DCDC1: variants seen among roughly 807,000 people sequenced by gnomAD.
DCDC1 encodes the protein doublecortin domain containing 1.
DCDC1 carries 200 observed loss-of-function variants against 178.3 expected under a neutral mutation model. That is an observed-to-expected ratio of 1.12 (90% CI 1.00 to 1.26). The LOEUF (loss-of-function observed/expected upper bound fraction) is 1.26. DCDC1 is among the 50% of genes most tolerant of loss of function. The pLI is 0.00. For missense variants in DCDC1, 1,983 were observed against 1,749.2 expected (o/e 1.13, Z -2.38); for synonymous variants, 690 against 604.8 (o/e 1.14, Z -2.07).
At chr11:31,010,409 G>A (rs552921988) in intron 20 of DCDC1, among the ~76,000 whole-genome samples, 10 of 152,340 alleles carry the variant, frequency 6.6e-5, no homozygotes, top group African/African-American at 2.2e-4. Context: ...GCAGTTGCCC[G>A]CTATATGACC....
chr11:31,046,895 T>C (rs534307364), intron 20 of DCDC1, among the ~76,000 whole-genome samples: 58 of 152,278 alleles, frequency 3.8e-4, no homozygotes, highest in African/African-American at 1.4e-3. Context: ...AGGGGAGCCA[T>C]CATTTTATAA....
intron 11 of DCDC1, among the ~76,000 whole-genome samples, chr11:31,111,104 T>C (rs907605858): frequency 1.3e-5 from 2 of 152,130 alleles, no homozygotes; most frequent in South Asian, 2.1e-4. Context: ...GGGTGTGCCA[T>C]TCACCAGGCA....
chr11:31,148,020 T>C (rs1372940530), intron 9 of DCDC1, among the ~76,000 whole-genome samples: 1 of 151,950 alleles, frequency 6.6e-6, no homozygotes, highest in Non-Finnish European at 1.5e-5. Context: ...CCTCCAAAAC[T>C]CAGAGTGGTA....
chr11:31,110,600 G>A (rs958056365), intron 11 of DCDC1, among the ~76,000 whole-genome samples: 1 of 151,962 alleles, frequency 6.6e-6, no homozygotes, highest in Non-Finnish European at 1.5e-5. Flanking sequence ...TCTCCTTTTG[G>A]TTTCAGTGTC....
At chr11:31,157,935 A>ATG (rs974023639) in intron 9 of DCDC1, among the ~76,000 whole-genome samples, 1 of 152,160 alleles carries the variant, frequency 6.6e-6, no homozygotes, top group African/African-American at 2.4e-5. Context: ...ATTTGTATAT[A>ATG]TTTTTGATGT....
intron 1 of DCDC1, among the ~76,000 whole-genome samples, chr11:31,367,428 T>A (rs1205196497): frequency 6.6e-6 from 1 of 152,254 alleles, no homozygotes; most frequent in Non-Finnish European, 1.5e-5. Flanking sequence ...ACCCTGTCTA[T>A]GGGACTGTTG....
Position 31,306,327 on chromosome 11 carries a change from T to C in DCDC1, c.496A>G (p.Arg166Gly). The C allele has an allele frequency of 6.2e-7, 1 of 1,610,348 alleles. No individual in the cohort carries two copies. Residue 166 changes from arginine to glycine, a missense_variant, in exon 5 of 39, where the codon AGA (arginine) becomes GGA (glycine). Physicochemically the swap from Arg to Gly is moderately radical, Grantham distance 125. Transcript: ENST00000684477. ...SARNWQKLSQ[R>G]HKLQPRVIKV... ...ATCACTCTTGGTTGAAGTTTGTGTC[T>C]TTGAGACAATTTCTGCCAATTCCGG...
intron 9 of DCDC1, among the ~76,000 whole-genome samples, chr11:31,208,728 C>A (rs1972149147): frequency 6.6e-6 from 1 of 152,176 alleles, no homozygotes; most frequent in Non-Finnish European, 1.5e-5. Context: ...CTCAAATGCA[C>A]CACTCTGTCC....
chr11:31,343,069 C>G (rs1339641083), intron 1 of DCDC1, among the ~76,000 whole-genome samples: 1 of 151,946 alleles, frequency 6.6e-6, no homozygotes, highest in East Asian at 1.9e-4. Flanking sequence ...AGTTCAAGGC[C>G]AGGTTGGACA....
At chr11:31,027,431 AC>A (rs1953315900) in intron 20 of DCDC1, among the ~76,000 whole-genome samples, 1 of 151,772 alleles carries the variant, frequency 6.6e-6, no homozygotes. Flanking sequence ...CTTAATGGTA[AC>A]TCTTTGTCAT....
chr11:31,200,211 C>CA (rs1384125289), intron 9 of DCDC1, among the ~76,000 whole-genome samples: 5 of 151,640 alleles, frequency 3.3e-5, no homozygotes, highest in Non-Finnish European at 7.4e-5. Flanking sequence ...ATTTATAATA[C>CA]AAAAAAAGTT....
At chr11:30,955,399 G>A (rs991882401) in intron 20 of DCDC1, among the ~76,000 whole-genome samples, 1 of 151,960 alleles carries the variant, frequency 6.6e-6, no homozygotes, top group African/African-American at 2.4e-5. Context: ...GCTTACTTTT[G>A]TTCTCTCTAC....
At chr11:30,888,102 GA>G (rs1565029751) in intron 36 of DCDC1, among the ~76,000 whole-genome samples, 1 of 47,664 alleles carries the variant, frequency 2.1e-5, no homozygotes, top group Admixed American at 2.7e-4. Flanking sequence ...GAAAGAAAAA[GA>G]AAGAAAGAAA....
chr11:31,181,138 G>T (rs1229730300), intron 9 of DCDC1, among the ~76,000 whole-genome samples: 1 of 152,180 alleles, frequency 6.6e-6, no homozygotes. Flanking sequence ...GCTCAGCAAA[G>T]CCACGGTGGC....
At chr11:31,064,923 G>C (rs1430774546) in intron 19 of DCDC1, 96 bp downstream of exon 19, 1 of 597,000 alleles carries the variant, frequency 1.7e-6, no homozygotes. Context: ...TTGTGAATTT[G>C]TGCTTGCCTC....
At chr11:30,915,346 T>G (rs771488813) in intron 27 of DCDC1, among the ~76,000 whole-genome samples, 165 bp downstream of exon 27, 4 of 152,230 alleles carry the variant, frequency 2.6e-5, no homozygotes, top group Non-Finnish European at 1.5e-5. Context: ...ACATTTGATT[T>G]TATTCCCTTC....
chr11:31,121,286 T>C (rs1475758478), intron 11 of DCDC1, among the ~76,000 whole-genome samples: 2 of 151,686 alleles, frequency 1.3e-5, no homozygotes, highest in Non-Finnish European at 2.9e-5. Flanking sequence ...CAATGATCAT[T>C]AGGAACAATG....
chr11:30,894,373 C>A lies in DCDC1; in HGVS notation c.4777G>T (p.Ala1593Ser), dbSNP rs370160026. 1.1e-5 allele frequency: 17 copies of A among 1,613,460 alleles called. No homozygotes were observed. The African/African-American group carries it at 2.3e-4, about 22-fold the overall frequency. ...ACCATGGTGGCTGGCTGACATGCCG[C>A]TACTCGCCGCCCTGAGGAAACAAGT... Reference protein sequence around the residue: ...KMRQLKGRRVAACQPATMVPT... With the variant: ...KMRQLKGRRVSACQPATMVPT... Residue 1593 changes from alanine (A) to serine (S), a missense_variant, in exon 35 of 39, where the codon GCG (alanine) becomes TCG (serine). Physicochemically the swap from Ala to Ser is moderately conservative, Grantham distance 99 (BLOSUM62 1). Coordinates refer to ENST00000684477, the MANE Select transcript of DCDC1 (RefSeq NM_001387274.1).
At chr11:30,908,289 T>C (rs1288232691) in intron 29 of DCDC1, among the ~76,000 whole-genome samples, 2 of 152,218 alleles carry the variant, frequency 1.3e-5, no homozygotes, top group South Asian at 2.1e-4. Context: ...TTATGGGGGA[T>C]GGGGAAATAA....
Sources: allele counts gnomAD v4.1 joint callset (sites outside exome capture counted in the v4.1 genomes callset), GRCh38; gene constraint gnomAD v4.1.1; transcripts MANE v1.5; gene names NCBI Gene and HGNC (gene_info 2026-07-23, HGNC 2026-07-21).